Variants in C2orf69 observed in about 807,000 individuals in gnomAD.
The protein encoded by C2orf69 is mitochondrial protein C2orf69.
In C2orf69, 19 loss-of-function variants were observed where a neutral mutation model predicts 29.5. That is an observed-to-expected ratio of 0.65 (90% CI 0.45 to 0.95). The LOEUF (loss-of-function observed/expected upper bound fraction) is 0.95, where lower values mean the gene tolerates loss of function less well. Among genes scored for constraint, C2orf69 ranks in the 40% least tolerant of loss-of-function variants. The probability of loss-of-function intolerance (pLI) is 0.00; values close to 1 mark genes in which losing one functional copy is unlikely to be tolerated. For missense variants in C2orf69, 416 were observed against 482.1 expected, an observed-to-expected ratio of 0.86 and a Z score of 1.28; for synonymous variants, 194 against 180.0, an observed-to-expected ratio of 1.08 and a Z score of -0.62.
intron 1 of C2orf69, among the ~76,000 whole-genome samples, chr2:199,915,209 G>A (rs893339609): frequency 4.0e-5 from 6 of 151,852 alleles, no homozygotes; most frequent in African/African-American, 1.5e-4. Context: ...TGAACTTTTC[G>A]CTGCTGAGTA....
Position 199,911,615 on chromosome 2 carries a change from C to A in C2orf69, c.177C>A (p.Thr59=), listed in dbSNP as rs937498852. The A allele has an allele frequency of 1.3e-6, 2 of 1,549,468 alleles. No individual in the cohort carries two copies. Among genetic ancestry groups the A allele is most frequent in the East Asian group, 2.4e-5 (1 of 40,904 alleles). The change falls in exon 1 of 2, where the codon ACC becomes ACA. Residue 59 remains threonine (T), a synonymous_variant. Transcript: ENST00000319974. ...VRRRQCLQLS[T]VPGADPQRSN... is the part of the protein sequence containing the mutation. Reference sequence around the variant, plus strand: ...GCCGTCAGTGCCTGCAGCTTTCCACCGTGCCTGGAGCCGATCCGCAGCGCA... The same window carrying A: ...GCCGTCAGTGCCTGCAGCTTTCCACAGTGCCTGGAGCCGATCCGCAGCGCA...
Position 199,926,175 on chromosome 2 carries a change from G to A in C2orf69, c.*289G>A. ...CCCTTAAAATGAAAGTTACAACATT[G>A]TTCTTATAAAAGGTAACTAAAATTG... On this transcript the variant is annotated 3_prime_UTR_variant, in exon 2 of 2. Transcript: ENST00000319974. 3.7e-6 allele frequency: 1 copy of A among 270,822 alleles called. No individual in the cohort carries two copies. Among genetic ancestry groups the A allele is most frequent in the Non-Finnish European group, 7.0e-6 (1 of 142,822 alleles). 16.8% of individuals were successfully genotyped at this position (270,822 alleles called of 1,614,324 possible).
At chr2:199,913,692 AGCCACTTACTTACTTGGT>A (rs2077283288) in intron 1 of C2orf69, among the ~76,000 whole-genome samples, 1 of 151,208 alleles carries the variant, frequency 6.6e-6, no homozygotes, top group Non-Finnish European at 1.5e-5. Context: ...GAGAAAAAAA[AGCCACTTACTTACTTGGT>A]GCCCTTGTGG....
Position 199,923,247 on chromosome 2 carries a change from AC to A in C2orf69, c.334-1813del, listed in dbSNP as rs557263423. Among the ~76,000 whole-genome samples, 1,223 of 152,274 alleles carry A rather than the reference AC, an allele frequency of 8.0e-3. 16 individuals are homozygous for A. The highest frequency in any genetic ancestry group is 0.028 in the African/African-American group (1,151 of 41,558). ...TGCTTTATTATGTTCCGTTGTACTT[AC>A]CAACATCTAATATATATATTTTTTG... is the stretch of plus-strand genomic sequence containing the variant. On this transcript the variant is annotated intron_variant, in intron 1 of 1. Coordinates refer to ENST00000319974, the MANE Select transcript of C2orf69 (RefSeq NM_153689.6).
intron 1 of C2orf69, 65 bp from the exon 2 acceptor site, chr2:199,924,997 A>G: frequency 2.0e-6 from 2 of 1,011,318 alleles, no homozygotes; most frequent in Non-Finnish European, 2.9e-6. Flanking sequence ...ATGGAAACTT[A>G]TTTTGTGGAA....
Position 199,925,715 on chromosome 2 carries a change from T to TCA in C2orf69, c.988_989dup (p.Val331MetfsTer2). 2 of 1,613,974 alleles carry TCA rather than the reference T, an allele frequency of 1.2e-6. No homozygotes were observed. The highest frequency in any genetic ancestry group is 1.7e-6 in the Non-Finnish European group (2 of 1,179,860). ...CACAAACAGGAATTATCGTTCACAC[T>TCA]CATGTAACACCTTACCAAGTACGTG... On this transcript the variant is annotated frameshift_variant, in exon 2 of 2. Coordinates refer to ENST00000319974, the MANE Select transcript of C2orf69 (RefSeq NM_153689.6). LOFTEE classifies it high-confidence loss of function. The surrounding 1 kb of genome is among the most constrained non-coding windows in gnomAD (Gnocchi z 4.9).
chr2:199,925,378 C>T lies in C2orf69; in HGVS notation c.650C>T (p.Ser217Phe), dbSNP rs745480501. ...LNVWNKDSIA[S>F]NCRSSPSHTT... Reference sequence around the variant, plus strand: ...GTTTGGAATAAGGACTCCATAGCATCTAACTGTAGATCCAGTCCTTCTCAT... The same window carrying T: ...GTTTGGAATAAGGACTCCATAGCATTTAACTGTAGATCCAGTCCTTCTCAT... Residue 217 changes from serine to phenylalanine, a missense_variant, in exon 2 of 2, where the codon TCT becomes TTT. By Grantham distance (155) the Ser-to-Phe change is radical. This residue lies in a region of C2orf69 where 225 missense variants were observed against 307.3 expected (regional missense o/e 0.73). Coordinates refer to ENST00000319974, the MANE Select transcript of C2orf69 (RefSeq NM_153689.6). This position sits in a 1 kb window ranked among gnomAD's most constrained non-coding sequence, Gnocchi z 4.9. 2.5e-6 allele frequency: 4 copies of T among 1,613,722 alleles called. No homozygotes were observed. The South Asian group carries it at 4.4e-5, about 18-fold the overall frequency.
Position 199,913,186 on chromosome 2 carries a change from T to TTATATATAATATATA in C2orf69, c.333+1415_333+1416insTATATATAATATATA, listed in dbSNP as rs1559291970. On this transcript the variant is annotated intron_variant, in intron 1 of 1. Transcript: ENST00000319974. ...TATATATATATTATATATAAAATTA[T>TTATATATAATATATA]ATATATTATATATAATATATAATAT... 2.5e-4 allele frequency among the ~76,000 whole-genome samples: 26 copies of TTATATATAATATATA among 105,184 alleles called. 1 individual carries two copies. Among genetic ancestry groups the TTATATATAATATATA allele is most frequent in the African/African-American group, 9.6e-4 (25 of 26,168 alleles). The allele number at this position is 105,184 out of a possible 152,430, so 69.0% of individuals were successfully genotyped here.
At chr2:199,916,192 G>A (rs2077292161) in intron 1 of C2orf69, among the ~76,000 whole-genome samples, 2 of 152,288 alleles carry the variant, frequency 1.3e-5, no homozygotes, top group East Asian at 1.9e-4. Context: ...GGAGAAGAAT[G>A]AGACCGAAGG....
rs1463168798 is a variant in C2orf69 at position 199,926,570 on chromosome 2, C to T, written c.*684C>T. The T allele has an allele frequency of 1.3e-5, 2 of 152,244 alleles. No individual in the cohort carries two copies. The highest frequency in any genetic ancestry group is 2.4e-5 in the African/African-American group (1 of 41,450). The allele number at this position is 152,244 out of a possible 1,614,324, so 9.4% of individuals were successfully genotyped here. ...GGCAGGAGGATTGCTTGAGCCCAGG[C>T]TGTGTGGTTCACCATAATTGTGTTT... is the stretch of plus-strand genomic sequence containing the variant. On this transcript the variant is annotated 3_prime_UTR_variant, in exon 2 of 2. Transcript: ENST00000319974.
rs1368335195 is a variant in C2orf69 at position 199,928,181 on chromosome 2, A to G, written c.*2295A>G. Reference sequence around the variant, plus strand: ...TACACTTTTGGATTGTGCCTTTGTCATGAGTTGAGAAAAGTAGTCCTACAA... The same window carrying G: ...TACACTTTTGGATTGTGCCTTTGTCGTGAGTTGAGAAAAGTAGTCCTACAA... On this transcript the variant is annotated 3_prime_UTR_variant, in exon 2 of 2. Transcript: ENST00000319974. The G allele has an allele frequency of 6.6e-6, 1 of 152,598 alleles. No homozygotes were observed. The highest frequency in any genetic ancestry group is 2.4e-5 in the African/African-American group (1 of 41,436). The allele number at this position is 152,598 out of a possible 1,614,324, so 9.5% of individuals were successfully genotyped here.
intron 1 of C2orf69, among the ~76,000 whole-genome samples, chr2:199,919,204 C>T (rs945139807): frequency 6.6e-6 from 1 of 151,962 alleles, no homozygotes; most frequent in Non-Finnish European, 1.5e-5. Flanking sequence ...ATCCTCCTGC[C>T]TTGGCCTCCC....
rs2077336608 is a variant in C2orf69 at position 199,926,726 on chromosome 2, C to T, written c.*840C>T. On this transcript the variant is annotated 3_prime_UTR_variant, in exon 2 of 2. Transcript: ENST00000319974. ...CAGTTTATCATTATTTTGGGTAAGA[C>T]ATTCTGGGGTTTCTTGAATCTTGTC... 6.6e-6 allele frequency: 1 copy of T among 152,598 alleles called. No individual in the cohort carries two copies. The highest frequency in any genetic ancestry group is 1.5e-5 in the Non-Finnish European group (1 of 68,032). The allele number at this position is 152,598 out of a possible 1,614,324, so 9.5% of individuals were successfully genotyped here.
chr2:199,913,351 A>AT lies in C2orf69; in HGVS notation c.333+1581dup, dbSNP rs2077279623. Among the ~76,000 whole-genome samples the AT allele has an allele frequency of 3.8e-5, 3 of 78,202 alleles. No individual in the cohort carries two copies. In the Admixed American group the frequency reaches 5.7e-4, roughly 15 times the overall value. 51.3% of individuals were successfully genotyped at this position (78,202 alleles called of 152,430 possible). ...TATATATTCTATTATAATATATATT[A>AT]TATATAATATATTCTATTATGATAT... On this transcript the variant is annotated intron_variant, in intron 1 of 1. Coordinates refer to ENST00000319974, the MANE Select transcript of C2orf69 (RefSeq NM_153689.6).
intron 1 of C2orf69, 87 bp downstream of exon 1, chr2:199,911,858 G>C (rs2077264077): frequency 6.6e-7 from 1 of 1,518,124 alleles, no homozygotes; most frequent in Non-Finnish European, 8.8e-7. Flanking sequence ...CTGCTGCCTG[G>C]TTCCTTTCCT....
chr2:199,917,048 A>G (rs370989963), intron 1 of C2orf69, among the ~76,000 whole-genome samples: 4 of 152,164 alleles, frequency 2.6e-5, no homozygotes, highest in Non-Finnish European at 4.4e-5. Context: ...CCCAACCTCA[A>G]TTCCTTACTT....
intron 1 of C2orf69, 138 bp downstream of exon 1, chr2:199,911,909 C>T: frequency 1.6e-6 from 2 of 1,274,246 alleles, no homozygotes; most frequent in Non-Finnish European, 2.1e-6. Flanking sequence ...GTGGCTCTTC[C>T]TCTACTCCAC....
At position 199,911,345 on chromosome 2, in the gene C2orf69, C is replaced by T. The variant is rs1051105559; in HGVS notation, c.-94C>T. ...TCCCGGCCGGGCCGCGGCCGCCGAC[C>T]GTTGAGCCGCCGGCTGAGCCGCCTG... On this transcript the variant is annotated 5_prime_UTR_variant, in exon 1 of 2. Transcript: ENST00000319974. The T allele has an allele frequency of 3.1e-5, 42 of 1,356,592 alleles. No homozygotes were observed. In the Admixed American group the frequency reaches 3.4e-4, roughly 11 times the overall value. 84.0% of individuals were successfully genotyped at this position (1,356,592 alleles called of 1,614,324 possible). A position where few individuals can be genotyped will look rare whatever the true frequency, so the allele number is the denominator to read the frequency against.
chr2:199,922,000 T>A (rs2077317924), intron 1 of C2orf69, among the ~76,000 whole-genome samples: 1 of 135,628 alleles, frequency 7.4e-6, no homozygotes, highest in Non-Finnish European at 1.6e-5. Context: ...CAGTTGCCCA[T>A]TTCCCTTCCC....
Sources: gnomAD v4.1 joint callset for allele counts (sites outside exome capture counted in the v4.1 genomes callset) on GRCh38, gnomAD v4.1.1 for gene constraint, gnomAD v4.1.1 regional missense constraint, Gnocchi (gnomAD v3.1) non-coding constraint, MANE v1.5 for transcripts, NCBI Gene and HGNC (gene_info 2026-07-23, HGNC 2026-07-21) for gene names.